Variants in CMPK1 observed in about 807,000 individuals in gnomAD.
The protein encoded by CMPK1 is UMP-CMP kinase.
A neutral mutation model predicts 25.7 loss-of-function variants in CMPK1; 10 were observed. That is an observed-to-expected ratio of 0.39 (90% confidence interval 0.24 to 0.66). CMPK1 has a LOEUF of 0.66. Among genes scored for constraint, CMPK1 ranks in the 30% least tolerant of loss-of-function variants. The pLI, the probability that CMPK1 is intolerant of heterozygous loss-of-function variation, is 0.48. For missense variants in CMPK1, 199 were observed against 280.5 expected (o/e 0.71, Z 2.08); for synonymous variants, 106 against 101.5 (o/e 1.04, Z -0.27).
chr1:47,378,594 T>G lies in CMPK1; in HGVS notation c.*1849T>G, dbSNP rs967327141. 2.0e-5 allele frequency: 3 copies of G among 152,252 alleles called. No individual in the cohort carries two copies. 9.4% of individuals were successfully genotyped at this position (152,252 alleles called of 1,614,324 possible). A position where few individuals can be genotyped will look rare whatever the true frequency, so the allele number is the denominator to read the frequency against. On this transcript the variant is annotated 3_prime_UTR_variant, in exon 6 of 6. Coordinates refer to ENST00000371873, the MANE Select transcript of CMPK1 (RefSeq NM_016308.3). ...TTACTAAATTATGAGGCTTTGCTTT[T>G]TGTTTGCTTTTAAGTAGAAAAACAT...
chr1:47,375,173 T>C lies in CMPK1; in HGVS notation c.549-24T>C, dbSNP rs562718888. The C allele has an allele frequency of 5.3e-5, 82 of 1,539,878 alleles. 1 individual carries two copies. The South Asian group carries it at 8.8e-4, about 17-fold the overall frequency. ...GAAGAAAGGATAGATACCTAGAACC[T>C]TGCAATATTTACTTCTTTTGCAGAA... On this transcript the variant is annotated intron_variant, in intron 4 of 5. Transcript: ENST00000371873.
intron 1 of CMPK1, chr1:47,358,912 C>G (rs1192011112): frequency 1.0e-6 from 1 of 985,234 alleles, no homozygotes; most frequent in Non-Finnish European, 1.2e-6. Context: ...TGAAGAGGAT[C>G]TTTACATGTT....
chr1:47,359,598 A>G (rs113129105), intron 1 of CMPK1, among the ~76,000 whole-genome samples: 6 of 151,964 alleles, frequency 3.9e-5, no homozygotes, highest in African/African-American at 1.5e-4. Flanking sequence ...CATGTTGGCC[A>G]GGCTGGTGTC....
chr1:47,347,827 C>T (rs1013180127), intron 1 of CMPK1, among the ~76,000 whole-genome samples: 1 of 152,168 alleles, frequency 6.6e-6, no homozygotes, highest in Non-Finnish European at 1.5e-5. Context: ...GACGGCATTT[C>T]ACCATGTTGG....
chr1:47,371,095 A>G (rs1299295559), intron 2 of CMPK1, among the ~76,000 whole-genome samples: 3 of 152,200 alleles, frequency 2.0e-5, no homozygotes, highest in Admixed American at 2.0e-4. Context: ...TGAGGGAGAA[A>G]AAGAAATGCA....
At chr1:47,361,804 C>G (rs1480266242) in intron 1 of CMPK1, among the ~76,000 whole-genome samples, 1 of 147,710 alleles carries the variant, frequency 6.8e-6, no homozygotes, top group Non-Finnish European at 1.5e-5. Context: ...TTGTAATTGT[C>G]TGCAATTGAA....
intron 1 of CMPK1, chr1:47,358,233 C>T (rs984100170): frequency 4.4e-6 from 2 of 454,884 alleles, no homozygotes; most frequent in Middle Eastern, 3.5e-4. Context: ...TTGGCTGAGC[C>T]TTCCGAGTAG....
intron 1 of CMPK1, among the ~76,000 whole-genome samples, chr1:47,345,243 A>G (rs1646474112): frequency 6.6e-6 from 1 of 151,794 alleles, no homozygotes; most frequent in Non-Finnish European, 1.5e-5. Flanking sequence ...GGTTTTTGAA[A>G]TGCCTTAGTC....
chr1:47,358,318 G>A, intron 1 of CMPK1: 2 of 658,860 alleles, frequency 3.0e-6, no homozygotes, highest in Non-Finnish European at 4.8e-6. Context: ...TTGCTATGGT[G>A]CATAGGCTGA....
chr1:47,370,157 T>C (rs1646668424), intron 2 of CMPK1, among the ~76,000 whole-genome samples: 1 of 150,688 alleles, frequency 6.6e-6, no homozygotes, highest in African/African-American at 2.4e-5. Context: ...GACCTCACGA[T>C]CCACCCGCTT....
At chr1:47,336,354 T>C (rs188141394) in intron 1 of CMPK1, among the ~76,000 whole-genome samples, 2 of 152,304 alleles carry the variant, frequency 1.3e-5, no homozygotes, top group Middle Eastern at 3.4e-3. Context: ...AGGGAAAACA[T>C]AGAAATGGCT....
intron 1 of CMPK1, among the ~76,000 whole-genome samples, chr1:47,340,333 C>T (rs1182355257): frequency 2.0e-5 from 3 of 151,760 alleles, no homozygotes; most frequent in African/African-American, 7.3e-5. Flanking sequence ...AATGGGGTCT[C>T]CCTATGTTGC....
At chr1:47,349,250 A>C (rs1646505437) in intron 1 of CMPK1, among the ~76,000 whole-genome samples, 1 of 152,206 alleles carries the variant, frequency 6.6e-6, no homozygotes, top group African/African-American at 2.4e-5. Context: ...GAAAGACTGC[A>C]TCTCCATATG....
At chr1:47,365,572 T>A (rs1287841055) in intron 1 of CMPK1, among the ~76,000 whole-genome samples, 1 of 144,354 alleles carries the variant, frequency 6.9e-6, no homozygotes, top group East Asian at 2.0e-4. Flanking sequence ...AGGTGGAGGT[T>A]ATAGTGAGCT....
At chr1:47,369,855 C>T (rs1467038312) in intron 2 of CMPK1, among the ~76,000 whole-genome samples, 2 of 143,786 alleles carry the variant, frequency 1.4e-5, no homozygotes, top group African/African-American at 2.6e-5. Context: ...CCACCGTGCC[C>T]GGCCCCCAAT....
chr1:47,358,092 G>A (rs1646575168), intron 1 of CMPK1, among the ~76,000 whole-genome samples: 1 of 128,478 alleles, frequency 7.8e-6, no homozygotes, highest in Non-Finnish European at 1.6e-5. Context: ...CTTGAGTGCT[G>A]TCATAGTAGG....
rs72553949 is a variant in CMPK1 at position 47,375,106 on chromosome 1, C to T, written c.549-91C>T. On this transcript the variant is annotated intron_variant, in intron 4 of 5. Transcript: ENST00000371873. ...TGTTTAAGATGTTAGGTCAATCAGT[C>T]GGGGCAGATCCAGTGTTCTGTGAGC... The T allele has an allele frequency of 6.7e-3, 8,390 of 1,245,242 alleles. 51 individuals carry two copies. The highest frequency in any genetic ancestry group is 0.029 in the East Asian group (1,240 of 43,162). The allele number at this position is 1,245,242 out of a possible 1,614,324, so 77.1% of individuals were successfully genotyped here. A position where few individuals can be genotyped will look rare whatever the true frequency, so the allele number is the denominator to read the frequency against.
intron 1 of CMPK1, chr1:47,358,991 T>C (rs1404175115): frequency 4.2e-6 from 4 of 959,340 alleles, no homozygotes; most frequent in Non-Finnish European, 5.0e-6. Context: ...CAAATGATAT[T>C]CTCATTTTAA....
chr1:47,369,865 T>G (rs1476486221), intron 2 of CMPK1, among the ~76,000 whole-genome samples: 1 of 73,578 alleles, frequency 1.4e-5, no homozygotes, highest in African/African-American at 5.1e-5. Context: ...CGGCCCCCAA[T>G]TTTTTTTTTT....
Sources: gnomAD v4.1 joint callset for allele counts (sites outside exome capture counted in the v4.1 genomes callset) on GRCh38, gnomAD v4.1.1 for gene constraint, MANE v1.5 for transcripts, NCBI Gene and HGNC (gene_info 2026-07-23, HGNC 2026-07-21) for gene names.